SPECC1: variants seen among roughly 807,000 people sequenced by gnomAD.
SPECC1 encodes cytospin-B.
A neutral mutation model predicts 104.1 loss-of-function variants in SPECC1; 62 were observed. The ratio of observed to expected loss-of-function variants is 0.60; its 90% confidence interval spans 0.49 to 0.74. The LOEUF (loss-of-function observed/expected upper bound fraction) is 0.74, where lower values mean the gene tolerates loss of function less well. Ranked by LOEUF, SPECC1 falls within the 30% of genes least tolerant of loss-of-function variation. The probability of loss-of-function intolerance (pLI) is 0.00; values close to 1 mark genes in which losing one functional copy is unlikely to be tolerated. For missense variants in SPECC1, 1,306 were observed against 1,310.5 expected, an observed-to-expected ratio of 1.00 and a Z score of 0.05; for synonymous variants, 513 against 501.6, an observed-to-expected ratio of 1.02 and a Z score of -0.30.
chr17:20,249,138 G>A (rs4925097), intron 9 of SPECC1, among the ~76,000 whole-genome samples: 8,255 of 152,270 alleles, frequency 0.054, 295 homozygotes, highest in Admixed American at 0.1. Context: ...TACCAGGCAT[G>A]GCCAGGTGCA....
chr17:20,204,253 A>G (rs974939623), intron 3 of SPECC1, 80 bp from the exon 4 acceptor site: 10 of 1,496,158 alleles, frequency 6.7e-6, no homozygotes, highest in Non-Finnish European at 9.0e-6. Flanking sequence ...CCACTGTGCC[A>G]TGTGATTTAC....
Position 20,250,473 on chromosome 17 carries a change from A to G in SPECC1, c.2599-3032A>G, listed in dbSNP as rs568866723. On this transcript the variant is annotated intron_variant, in intron 9 of 14. Coordinates refer to ENST00000395527, the MANE Select transcript of SPECC1 (RefSeq NM_001243439.2). Reference sequence around the variant, plus strand: ...ATTAAAGCAATAGTAAGAGAATATTATATATTACTACTTTGTGCTATAAAT... The same window carrying G: ...ATTAAAGCAATAGTAAGAGAATATTGTATATTACTACTTTGTGCTATAAAT... Among the ~76,000 whole-genome samples the G allele has an allele frequency of 2.0e-5, 3 of 152,368 alleles. No homozygotes were observed. The East Asian group carries it at 5.8e-4, about 29-fold the overall frequency.
intron 3 of SPECC1, chr17:20,111,756 A>T: frequency 1.4e-6 from 1 of 727,358 alleles, no homozygotes; most frequent in Non-Finnish European, 2.5e-6. Flanking sequence ...GCGGAAGGAG[A>T]AAAAGGTGGG....
At chr17:20,238,247 A>T in intron 7 of SPECC1, 1 of 1,040,854 alleles carries the variant, frequency 9.6e-7, no homozygotes, top group Non-Finnish European at 1.2e-6. Context: ...AAACGATTGA[A>T]TGACAACTAC....
chr17:20,233,252 G>C (rs1397760822), intron 7 of SPECC1, among the ~76,000 whole-genome samples: 4 of 152,100 alleles, frequency 2.6e-5, no homozygotes, highest in African/African-American at 9.7e-5. Flanking sequence ...AAATTTCCTG[G>C]GTTTTGAATG....
chr17:20,306,675 GGAGA>G (rs937667416), intron 14 of SPECC1, among the ~76,000 whole-genome samples: 2 of 152,242 alleles, frequency 1.3e-5, no homozygotes, highest in Non-Finnish European at 2.9e-5. Flanking sequence ...GAGAGGAAAA[GGAGA>G]GAGAGAAAAG....
At chr17:20,273,394 C>T (rs576413828) in intron 12 of SPECC1, among the ~76,000 whole-genome samples, 1 of 151,828 alleles carries the variant, frequency 6.6e-6, no homozygotes, top group South Asian at 2.1e-4. Context: ...ATGAGAGTCT[C>T]TTGAACCTGG....
At chr17:20,193,678 T>C (rs2035819428) in intron 3 of SPECC1, among the ~76,000 whole-genome samples, 1 of 152,238 alleles carries the variant, frequency 6.6e-6, no homozygotes, top group Admixed American at 6.5e-5. Context: ...AAGCTTGTCC[T>C]GTATTCCTAC....
rs189891549 is a variant in SPECC1 at position 20,034,523 on chromosome 17, G to A, written c.-22+25099G>A. Among the ~76,000 whole-genome samples the A allele has an allele frequency of 1.1e-4, 17 of 151,950 alleles. No individual in the cohort carries two copies. The East Asian group carries it at 1.9e-3, about 17-fold the overall frequency. On this transcript the variant is annotated intron_variant, in intron 1 of 14. Transcript: ENST00000395527. ...TGGAATTACAGGCATGAGCCACCACGACTGGCCTTATAGATCTTAGTTTGG... is the reference window on the plus strand; with the variant it reads ...TGGAATTACAGGCATGAGCCACCACAACTGGCCTTATAGATCTTAGTTTGG...
chr17:20,304,127 A>G (rs2041684432), intron 13 of SPECC1, among the ~76,000 whole-genome samples: 1 of 147,040 alleles, frequency 6.8e-6, no homozygotes, highest in African/African-American at 2.5e-5. Flanking sequence ...CAAAAAAAAA[A>G]AAAAAAAAAA....
chr17:20,184,435 C>G (rs991879881), intron 3 of SPECC1, among the ~76,000 whole-genome samples: 1 of 152,086 alleles, frequency 6.6e-6, no homozygotes. Context: ...TAATGATTAT[C>G]CCAGGCAAGT....
At chr17:20,176,935 C>T (rs1235575121) in intron 3 of SPECC1, among the ~76,000 whole-genome samples, 1 of 152,148 alleles carries the variant, frequency 6.6e-6, no homozygotes, top group African/African-American at 2.4e-5. Flanking sequence ...ATTCAGTGTG[C>T]TGCAGGAAGG....
At chr17:20,179,124 G>A (rs1309217308) in intron 3 of SPECC1, among the ~76,000 whole-genome samples, 1 of 142,582 alleles carries the variant, frequency 7.0e-6, no homozygotes, top group Non-Finnish European at 1.5e-5. Flanking sequence ...TTTTAAAGAT[G>A]TTGAGTTGCT....
intron 1 of SPECC1, among the ~76,000 whole-genome samples, chr17:20,085,571 C>T (rs1304250571): frequency 1.3e-5 from 2 of 152,150 alleles, no homozygotes; most frequent in Non-Finnish European, 1.5e-5. Context: ...TTGATGCTGA[C>T]GAAGGATAGG....
intron 3 of SPECC1, among the ~76,000 whole-genome samples, chr17:20,142,078 A>C (rs908472617): frequency 6.6e-6 from 1 of 152,260 alleles, no homozygotes; most frequent in Non-Finnish European, 1.5e-5. Flanking sequence ...AATGTTATCT[A>C]CCGAATGAAG....
At chr17:20,248,245 G>T (rs1356404597) in intron 9 of SPECC1, among the ~76,000 whole-genome samples, 1 of 152,176 alleles carries the variant, frequency 6.6e-6, no homozygotes, top group Non-Finnish European at 1.5e-5. Context: ...GCACCTTCCA[G>T]ATCCTCTGAG....
At chr17:20,156,254 G>T (rs934277387) in intron 3 of SPECC1, 1 of 1,342,520 alleles carries the variant, frequency 7.4e-7, no homozygotes, top group Non-Finnish European at 9.6e-7. Flanking sequence ...CGGCTGGCGG[G>T]GGTCGCGCCG....
At chr17:20,218,307 G>A (rs2037639027) in intron 4 of SPECC1, among the ~76,000 whole-genome samples, 1 of 151,000 alleles carries the variant, frequency 6.6e-6, no homozygotes, top group African/African-American at 2.4e-5. Context: ...TGCATTGTTA[G>A]ATTATGAAAC....
intron 2 of SPECC1, among the ~76,000 whole-genome samples, chr17:20,099,280 A>G (rs1158577932): frequency 6.6e-6 from 1 of 152,094 alleles, no homozygotes; most frequent in East Asian, 1.9e-4. Context: ...TATTTTTTCT[A>G]TATCCAATAA....
Sources: gnomAD v4.1 joint callset for allele counts (sites outside exome capture counted in the v4.1 genomes callset) on GRCh38, gnomAD v4.1.1 for gene constraint, MANE v1.5 for transcripts, NCBI Gene and HGNC (gene_info 2026-07-23, HGNC 2026-07-21) for gene names.